FBXO33: variants seen among roughly 807,000 people sequenced by gnomAD.
FBXO33 encodes F-box protein 33.
A neutral mutation model predicts 46.3 loss-of-function variants in FBXO33; 22 were observed. That is an observed-to-expected ratio of 0.48 (90% CI 0.34 to 0.68). The LOEUF (loss-of-function observed/expected upper bound fraction) is 0.68. Among genes scored for constraint, FBXO33 ranks in the 30% least tolerant of loss-of-function variants. The pLI, the probability that FBXO33 is intolerant of heterozygous loss-of-function variation, is 0.01. For synonymous variants in FBXO33, 337 were observed against 291.3 expected, an observed-to-expected ratio of 1.16 and a Z score of -1.60; for missense variants, 692 against 708.8, an observed-to-expected ratio of 0.98 and a Z score of 0.27.
chr14:39,413,744 CTT>C (rs2075434599), intron 1 of FBXO33, among the ~76,000 whole-genome samples: 2 of 152,176 alleles, frequency 1.3e-5, no homozygotes, highest in African/African-American at 4.8e-5. Context: ...CACCAGAGCT[CTT>C]GAGTGACCAT....
chr14:39,423,722 A>T (rs1377797820), intron 1 of FBXO33, among the ~76,000 whole-genome samples: 1 of 152,232 alleles, frequency 6.6e-6, no homozygotes, highest in Admixed American at 6.5e-5. Context: ...TTAAGTCAGG[A>T]TAATGGTTAC....
chr14:39,417,698 T>G (rs1257825787), intron 1 of FBXO33, among the ~76,000 whole-genome samples: 1 of 152,064 alleles, frequency 6.6e-6, no homozygotes, highest in Non-Finnish European at 1.5e-5. Context: ...GCCCAGCTAA[T>G]TTTTGTACTT....
At chr14:39,428,201 T>C (rs1241475516) in intron 1 of FBXO33, among the ~76,000 whole-genome samples, 3 of 152,118 alleles carry the variant, frequency 2.0e-5, no homozygotes, top group Admixed American at 1.3e-4. Flanking sequence ...CAATATGCAT[T>C]CTTTTTTTTT....
At chr14:39,426,876 T>C (rs945418097) in intron 1 of FBXO33, among the ~76,000 whole-genome samples, 3 of 152,242 alleles carry the variant, frequency 2.0e-5, no homozygotes, top group African/African-American at 7.2e-5. Flanking sequence ...GATTTTATTT[T>C]CACAACCTGA....
chr14:39,404,964 T>C (rs1327675501), intron 1 of FBXO33, among the ~76,000 whole-genome samples: 3 of 151,492 alleles, frequency 2.0e-5, no homozygotes, highest in Non-Finnish European at 2.9e-5. Context: ...CCGGCCAACA[T>C]AGTGAAACCC....
At chr14:39,417,494 A>T (rs2075453899) in intron 1 of FBXO33, among the ~76,000 whole-genome samples, 1 of 151,928 alleles carries the variant, frequency 6.6e-6, no homozygotes, top group Non-Finnish European at 1.5e-5. Flanking sequence ...TATTAACTGG[A>T]TTCTGCATTT....
chr14:39,412,512 C>T (rs1265567855), intron 1 of FBXO33, among the ~76,000 whole-genome samples: 4 of 152,126 alleles, frequency 2.6e-5, no homozygotes, highest in Non-Finnish European at 5.9e-5. Flanking sequence ...CACTCAATGA[C>T]TTTTGGTGAT....
chr14:39,417,689 C>G (rs1212058708), intron 1 of FBXO33, among the ~76,000 whole-genome samples: 2 of 152,142 alleles, frequency 1.3e-5, no homozygotes, highest in South Asian at 4.1e-4. Flanking sequence ...CACCACCATG[C>G]CCAGCTAATT....
At chr14:39,420,694 A>C (rs986990362) in intron 1 of FBXO33, among the ~76,000 whole-genome samples, 3 of 152,156 alleles carry the variant, frequency 2.0e-5, no homozygotes, top group Non-Finnish European at 4.4e-5. Context: ...CTGTCTCAAA[A>C]AAAAAAGCAA....
chr14:39,406,142 C>T (rs1595982843), intron 1 of FBXO33, among the ~76,000 whole-genome samples: 4 of 151,366 alleles, frequency 2.6e-5, no homozygotes, highest in Admixed American at 1.3e-4. Flanking sequence ...ATTATAAAGA[C>T]GTTAATTTGT....
intron 1 of FBXO33, among the ~76,000 whole-genome samples, chr14:39,412,181 ATTG>A (rs1180940760): frequency 2.6e-5 from 4 of 152,050 alleles, no homozygotes; most frequent in African/African-American, 9.6e-5. Flanking sequence ...TTATTATTGT[ATTG>A]TTGTTTATTT....
Position 39,431,667 on chromosome 14 carries a change from C to T in FBXO33, c.496G>A (p.Gly166Arg). ...AGCTGCAGGGCCTCGACTTCCTCCCCTCCAGTCCCGGTGTCCGCGCCACCT... is the reference window on the plus strand; with the variant it reads ...AGCTGCAGGGCCTCGACTTCCTCCCTTCCAGTCCCGGTGTCCGCGCCACCT... ...DGGGADTGTGGEEVEALQLSA... is the reference protein window; with the variant it reads ...DGGGADTGTGREEVEALQLSA... Residue 166 changes from glycine to arginine, a missense_variant, in exon 1 of 4, where the codon GGG (glycine) becomes AGG (arginine). Physicochemically the swap from Gly to Arg is moderately radical, Grantham distance 125. This residue lies in a region of FBXO33 where 412 missense variants were observed against 370.8 expected (regional missense o/e 1.11). Coordinates refer to ENST00000298097, the MANE Select transcript of FBXO33 (RefSeq NM_203301.4). 2 of 1,613,632 alleles carry T rather than the reference C, an allele frequency of 1.2e-6. No individual in the cohort carries two copies. The highest frequency in any genetic ancestry group is 1.7e-6 in the Non-Finnish European group (2 of 1,180,014).
intron 1 of FBXO33, among the ~76,000 whole-genome samples, chr14:39,422,721 G>T (rs1426222106): frequency 1.3e-5 from 2 of 152,160 alleles, no homozygotes; most frequent in African/African-American, 2.4e-5. Flanking sequence ...TGACTTTGCA[G>T]ATTTTTTTCT....
intron 1 of FBXO33, among the ~76,000 whole-genome samples, chr14:39,415,706 G>A (rs564462351): frequency 5.9e-5 from 9 of 152,156 alleles, no homozygotes; most frequent in African/African-American, 2.2e-4. Context: ...TTGCTCTGTT[G>A]CCCAGGCTGG....
At chr14:39,409,082 GC>G (rs1209195401) in intron 1 of FBXO33, among the ~76,000 whole-genome samples, 1 of 152,038 alleles carries the variant, frequency 6.6e-6, no homozygotes, top group African/African-American at 2.4e-5. Flanking sequence ...TCTGTACAGA[GC>G]TTTTATTACG....
chr14:39,406,655 C>A (rs1284956873), intron 1 of FBXO33, among the ~76,000 whole-genome samples: 1 of 152,056 alleles, frequency 6.6e-6, no homozygotes. Flanking sequence ...GGCAGAGTAC[C>A]AGAGACAAAC....
Position 39,431,766 on chromosome 14 carries a change from C to A in FBXO33, c.397G>T (p.Gly133Cys). ...PRLEFLMRKCGWFVRELRVEF... is the reference protein window; with the variant it reads ...PRLEFLMRKCCWFVRELRVEF... ...ACACGCAGCTCTCGCACGAACCAGC[C>A]GCACTTGCGCATGAGGAATTCCAGC... The change falls in exon 1 of 4, where the codon GGC becomes TGC. Residue 133 changes from glycine to cysteine, a missense_variant. Physicochemically the swap from Gly to Cys is radical, Grantham distance 159. Around this residue, in one of 3 missense-constraint regions of FBXO33, gnomAD observed 412 missense variants for 370.8 expected, o/e 1.11. Coordinates refer to ENST00000298097, the MANE Select transcript of FBXO33 (RefSeq NM_203301.4). 6.2e-7 allele frequency: 1 copy of A among 1,612,900 alleles called. No individual in the cohort carries two copies. Among genetic ancestry groups the A allele is most frequent in the Non-Finnish European group, 8.5e-7 (1 of 1,179,986 alleles).
At chr14:39,419,660 CATTT>C (rs1348611658) in intron 1 of FBXO33, among the ~76,000 whole-genome samples, 2 of 152,150 alleles carry the variant, frequency 1.3e-5, no homozygotes, top group African/African-American at 4.8e-5. Context: ...TTTACTCATT[CATTT>C]ATTTATTGTT....
At chr14:39,416,785 CTTT>C (rs774636373) in intron 1 of FBXO33, among the ~76,000 whole-genome samples, 3 of 152,030 alleles carry the variant, frequency 2.0e-5, no homozygotes, top group African/African-American at 4.8e-5. Context: ...CAGTGAGCTT[CTTT>C]AAGAGGATTA....
Sources: allele counts gnomAD v4.1 joint callset (sites outside exome capture counted in the v4.1 genomes callset), GRCh38; gene constraint gnomAD v4.1.1; regional missense constraint gnomAD v4.1.1; transcripts MANE v1.5; gene names NCBI Gene and HGNC (gene_info 2026-07-23, HGNC 2026-07-21).